The following MARCHF4 variants were observed in gnomAD, a reference collection of about 807,000 sequenced individuals.
MARCHF4 encodes membrane associated ring-CH-type finger 4.
A neutral mutation model predicts 43.9 loss-of-function variants in MARCHF4; 14 were observed. That is an observed-to-expected ratio of 0.32 (90% CI 0.21 to 0.50). The LOEUF (loss-of-function observed/expected upper bound fraction) is 0.50. MARCHF4 is among the 20% of genes least tolerant of loss of function. The pLI is 0.98. For missense variants in MARCHF4, 468 were observed against 536.7 expected, an observed-to-expected ratio of 0.87 and a Z score of 1.27; for synonymous variants, 226 against 213.3, an observed-to-expected ratio of 1.06 and a Z score of -0.52.
chr2:216,274,131 G>A lies in MARCHF4; in HGVS notation c.865+3541C>T, dbSNP rs543386791. Among the ~76,000 whole-genome samples the A allele has an allele frequency of 7.6e-4, 116 of 152,294 alleles. No individual in the cohort carries two copies. In the South Asian group the frequency reaches 7.7e-3, roughly 10 times the overall value. Reference sequence around the variant, plus strand: ...GACCTGAACTGAGTATGACTTCTGCGGGAACCCTGGAAATGATGCTCAGGT... The same window carrying A: ...GACCTGAACTGAGTATGACTTCTGCAGGAACCCTGGAAATGATGCTCAGGT... On this transcript the variant is annotated intron_variant, in intron 3 of 3. Coordinates refer to ENST00000273067, the MANE Select transcript of MARCHF4 (RefSeq NM_020814.3).
At chr2:216,271,056 T>C (rs534582940) in intron 3 of MARCHF4, among the ~76,000 whole-genome samples, 2 of 152,350 alleles carry the variant, frequency 1.3e-5, no homozygotes, top group African/African-American at 2.4e-5. Context: ...CAATTTAAAA[T>C]GCAAATCTGA....
At chr2:216,318,051 T>G (rs1691811165) in intron 1 of MARCHF4, 1 of 152,264 alleles carries the variant, frequency 6.6e-6, no homozygotes, top group African/African-American at 2.4e-5. Context: ...AGCATGTTGC[T>G]CATTGCAGAA....
intron 1 of MARCHF4, among the ~76,000 whole-genome samples, chr2:216,300,720 C>A (rs1056189078): frequency 6.6e-6 from 1 of 152,178 alleles, no homozygotes; most frequent in African/African-American, 2.4e-5. Context: ...ATTATTCCCA[C>A]GGCTTCTGTT....
intron 3 of MARCHF4, among the ~76,000 whole-genome samples, chr2:216,267,612 A>C (rs1392473060): frequency 1.3e-5 from 2 of 152,128 alleles, no homozygotes; most frequent in Non-Finnish European, 2.9e-5. Flanking sequence ...TAACTAACAT[A>C]CCTATAGCTC....
intron 1 of MARCHF4, among the ~76,000 whole-genome samples, chr2:216,301,905 G>T (rs1691498088): frequency 6.6e-6 from 1 of 152,196 alleles, no homozygotes; most frequent in Admixed American, 6.5e-5. Context: ...ATAGTGCAGA[G>T]TCTTAATAAA....
intron 3 of MARCHF4, among the ~76,000 whole-genome samples, chr2:216,265,350 T>C (rs187621078): frequency 6.6e-6 from 1 of 152,320 alleles, no homozygotes; most frequent in East Asian, 1.9e-4. Flanking sequence ...CTCCTTTGTC[T>C]TTCCAATGTC....
intron 1 of MARCHF4, among the ~76,000 whole-genome samples, chr2:216,308,204 G>A (rs1222069437): frequency 1.3e-5 from 2 of 152,180 alleles, no homozygotes; most frequent in African/African-American, 4.8e-5. Context: ...GAGTTTGAGA[G>A]CATCCTGGGT....
intron 1 of MARCHF4, among the ~76,000 whole-genome samples, chr2:216,293,111 C>A (rs906420569): frequency 6.6e-6 from 1 of 152,192 alleles, no homozygotes; most frequent in Admixed American, 6.5e-5. Context: ...ACCAGCCAAT[C>A]TGAATTCTCC....
chr2:216,346,134 A>T (rs888250354), intron 1 of MARCHF4, among the ~76,000 whole-genome samples: 2 of 152,110 alleles, frequency 1.3e-5, no homozygotes, highest in Non-Finnish European at 2.9e-5. Flanking sequence ...TTTGTTAGGG[A>T]CTGTCCCAAT....
At chr2:216,261,397 T>G (rs1690741305) in intron 3 of MARCHF4, among the ~76,000 whole-genome samples, 1 of 152,162 alleles carries the variant, frequency 6.6e-6, no homozygotes, top group African/African-American at 2.4e-5. Flanking sequence ...TGTCATCAGA[T>G]CTCCCTCTCC....
chr2:216,285,863 C>A (rs1691210602), intron 1 of MARCHF4, among the ~76,000 whole-genome samples: 1 of 152,190 alleles, frequency 6.6e-6, no homozygotes, highest in Admixed American at 6.5e-5. Flanking sequence ...GTTAAGCAGC[C>A]ACGTCAAATT....
Position 216,258,075 on chromosome 2 carries a change from A to G in MARCHF4, c.*1237T>C, listed in dbSNP as rs1429515895. On this transcript the variant is annotated 3_prime_UTR_variant, in exon 4 of 4. Coordinates refer to ENST00000273067, the MANE Select transcript of MARCHF4 (RefSeq NM_020814.3). ...TGGCAGGGTCCCCAGAGCGAGCAGG[A>G]GGGGTCCAGGGGTAGTGCTCCCTGC... 2 of 152,086 alleles carry G rather than the reference A, an allele frequency of 1.3e-5. No homozygotes were observed. Among genetic ancestry groups the G allele is most frequent in the African/African-American group, 4.8e-5 (2 of 41,420 alleles). The allele number at this position is 152,086 out of a possible 1,614,324, so 9.4% of individuals were successfully genotyped here. A position where few individuals can be genotyped will look rare whatever the true frequency, so the allele number is the denominator to read the frequency against.
chr2:216,263,517 G>A (rs207874), intron 3 of MARCHF4, among the ~76,000 whole-genome samples: 43,588 of 97,000 alleles, frequency 0.45, 8,679 homozygotes, highest in East Asian at 0.7. Flanking sequence ...GAGAGAGAGA[G>A]AGAGAGAGAG....
chr2:216,353,386 T>C (rs1212893408), intron 1 of MARCHF4, among the ~76,000 whole-genome samples: 1 of 152,190 alleles, frequency 6.6e-6, no homozygotes, highest in Non-Finnish European at 1.5e-5. Context: ...GATGAATAGC[T>C]CTGAGGCAGG....
chr2:216,313,701 G>T (rs979327512), intron 1 of MARCHF4, among the ~76,000 whole-genome samples: 1 of 152,224 alleles, frequency 6.6e-6, no homozygotes, highest in Non-Finnish European at 1.5e-5. Context: ...AAAGGAAAGG[G>T]TGTAGAGAGA....
intron 1 of MARCHF4, among the ~76,000 whole-genome samples, chr2:216,316,951 G>A: frequency 6.6e-6 from 1 of 152,152 alleles, no homozygotes; most frequent in Non-Finnish European, 1.5e-5. Flanking sequence ...GGACGTCTGA[G>A]TAATCTAAGC....
chr2:216,295,111 C>T (rs1466388151), intron 1 of MARCHF4, among the ~76,000 whole-genome samples: 1 of 152,156 alleles, frequency 6.6e-6, no homozygotes, highest in East Asian at 1.9e-4. Context: ...GCATGGTTAG[C>T]GGGGCCTGCA....
At chr2:216,310,467 G>T (rs1422873008) in intron 1 of MARCHF4, among the ~76,000 whole-genome samples, 2 of 151,996 alleles carry the variant, frequency 1.3e-5, no homozygotes, top group Non-Finnish European at 2.9e-5. Context: ...TCCTTATGTT[G>T]CCTGGACTGG....
At chr2:216,342,116 ATT>A (rs1408447449) in intron 1 of MARCHF4, among the ~76,000 whole-genome samples, 1 of 151,950 alleles carries the variant, frequency 6.6e-6, no homozygotes, top group African/African-American at 2.4e-5. Flanking sequence ...AGAACTTTTT[ATT>A]TTAAAACATT....
Sources: allele counts gnomAD v4.1 joint callset (sites outside exome capture counted in the v4.1 genomes callset), GRCh38; gene constraint gnomAD v4.1.1; transcripts MANE v1.5; gene names NCBI Gene and HGNC (gene_info 2026-07-23, HGNC 2026-07-21).